CSGALNACT1: variants seen among roughly 807,000 people sequenced by gnomAD.
CSGALNACT1 encodes the protein chondroitin sulfate N-acetylgalactosaminyltransferase 1.
CSGALNACT1 carries 52 observed loss-of-function variants against 51.0 expected under a neutral mutation model. The observed-to-expected ratio is 1.02, with a 90% CI of 0.82 to 1.29. The LOEUF (loss-of-function observed/expected upper bound fraction) is 1.29, where lower values mean the gene tolerates loss of function less well. Among genes scored for constraint, CSGALNACT1 ranks in the 50% most tolerant of loss-of-function variants. CSGALNACT1 has a pLI of 0.00. For missense variants in CSGALNACT1, 935 were observed against 679.2 expected (o/e 1.38, Z -4.19); for synonymous variants, 341 against 254.4 (o/e 1.34, Z -3.24).
At chr8:19,437,303 G>A (rs572941329) in intron 6 of CSGALNACT1, among the ~76,000 whole-genome samples, 12 of 152,280 alleles carry the variant, frequency 7.9e-5, no homozygotes, top group Admixed American at 2.6e-4. Flanking sequence ...TAATGGGAGT[G>A]CAGACAAAGA....
At chr8:19,415,448 T>C (rs2056687171) in intron 8 of CSGALNACT1, among the ~76,000 whole-genome samples, 1 of 152,162 alleles carries the variant, frequency 6.6e-6, no homozygotes, top group South Asian at 2.1e-4. Context: ...AGGTCAAAAT[T>C]GCATTTGGAA....
intron 1 of CSGALNACT1, among the ~76,000 whole-genome samples, chr8:19,755,480 A>AAAAAAAAAAAAAAAAAAC (rs2065308904): frequency 6.9e-6 from 1 of 143,888 alleles, no homozygotes; most frequent in Non-Finnish European, 1.5e-5. Context: ...AAAAAAAAAA[A>AAAAAAAAAAAAAAAAAAC]AGACAACATT....
At chr8:19,638,440 G>A (rs2056366939) in intron 1 of CSGALNACT1, among the ~76,000 whole-genome samples, 1 of 152,092 alleles carries the variant, frequency 6.6e-6, no homozygotes, top group Non-Finnish European at 1.5e-5. Context: ...TTCCTGCCCT[G>A]TAAGATTACT....
chr8:19,557,681 T>C (rs1359744646), intron 3 of CSGALNACT1, among the ~76,000 whole-genome samples: 2 of 152,192 alleles, frequency 1.3e-5, no homozygotes, highest in Non-Finnish European at 1.5e-5. Context: ...TCTTGACCAT[T>C]CTACCCAAAC....
intron 6 of CSGALNACT1, among the ~76,000 whole-genome samples, chr8:19,424,688 C>T (rs768613167): frequency 6.6e-6 from 1 of 152,196 alleles, no homozygotes; most frequent in Non-Finnish European, 1.5e-5. Context: ...CATTTTGAAG[C>T]AGTGCTCATT....
intron 5 of CSGALNACT1, among the ~76,000 whole-genome samples, chr8:19,443,889 G>T (rs2061713935): frequency 6.6e-6 from 1 of 152,126 alleles, no homozygotes; most frequent in Non-Finnish European, 1.5e-5. Context: ...GGGGGTGGGG[G>T]TGGAGGTGGG....
At chr8:19,444,970 G>T (rs554681107) in intron 5 of CSGALNACT1, among the ~76,000 whole-genome samples, 82 of 152,292 alleles carry the variant, frequency 5.4e-4, no homozygotes, top group African/African-American at 1.9e-3. Flanking sequence ...GACGCATGCA[G>T]GGCTCACTCT....
intron 1 of CSGALNACT1, among the ~76,000 whole-genome samples, chr8:19,662,478 A>G (rs1018177027): frequency 1.3e-5 from 2 of 152,242 alleles, no homozygotes; most frequent in South Asian, 2.1e-4. Context: ...AATCAAAGTT[A>G]AACTGTTAGG....
chr8:19,630,996 G>A (rs1230996534), intron 1 of CSGALNACT1, among the ~76,000 whole-genome samples: 1 of 152,098 alleles, frequency 6.6e-6, no homozygotes, highest in Admixed American at 6.6e-5. Flanking sequence ...GTTTTCATTG[G>A]AGCTCGCTGG....
chr8:19,576,466 T>G (rs2044241626), intron 3 of CSGALNACT1, among the ~76,000 whole-genome samples: 1 of 152,038 alleles, frequency 6.6e-6, no homozygotes, highest in African/African-American at 2.4e-5. Context: ...GTGCTAGGAT[T>G]ACAAGCTTGA....
chr8:19,408,557 A>C, intron 9 of CSGALNACT1, 56 bp downstream of exon 8: 1 of 1,402,920 alleles, frequency 7.1e-7, no homozygotes, highest in Non-Finnish European at 1.0e-6. Context: ...GATTCCTTCA[A>C]GGCCTACATG....
At chr8:19,663,827 C>G (rs1390301823) in intron 1 of CSGALNACT1, among the ~76,000 whole-genome samples, 2 of 152,248 alleles carry the variant, frequency 1.3e-5, no homozygotes, top group African/African-American at 4.8e-5. Context: ...TAATGCAGCC[C>G]TTCTCCTCCA....
chr8:19,425,669 T>C (rs1469091702), intron 6 of CSGALNACT1, among the ~76,000 whole-genome samples: 2 of 152,202 alleles, frequency 1.3e-5, no homozygotes, highest in African/African-American at 4.8e-5. Flanking sequence ...AGGTTGCAGA[T>C]GCTCCTGTGG....
At chr8:19,734,781 T>C (rs1342100714) in intron 1 of CSGALNACT1, among the ~76,000 whole-genome samples, 1 of 152,044 alleles carries the variant, frequency 6.6e-6, no homozygotes, top group African/African-American at 2.4e-5. Flanking sequence ...ACAAAATACA[T>C]AAAGTTACTG....
At chr8:19,708,543 G>C (rs1458185242) in intron 1 of CSGALNACT1, among the ~76,000 whole-genome samples, 1 of 152,184 alleles carries the variant, frequency 6.6e-6, no homozygotes, top group Admixed American at 6.5e-5. Context: ...TACAAAACCT[G>C]CTGCCTGCTG....
intron 3 of CSGALNACT1, among the ~76,000 whole-genome samples, chr8:19,550,210 T>C (rs2087631130): frequency 6.6e-6 from 1 of 152,138 alleles, no homozygotes; most frequent in African/African-American, 2.4e-5. Context: ...GGCCTCAAAC[T>C]CCTGAGCTCA....
At chr8:19,709,334 G>A (rs377584732) in intron 1 of CSGALNACT1, among the ~76,000 whole-genome samples, 24 of 152,330 alleles carry the variant, frequency 1.6e-4, no homozygotes, top group African/African-American at 1.2e-4. Flanking sequence ...AGGCACTGTC[G>A]TAGGCATCAG....
intron 3 of CSGALNACT1, among the ~76,000 whole-genome samples, chr8:19,516,328 C>A (rs548086954): frequency 6.3e-4 from 96 of 152,266 alleles, no homozygotes; most frequent in African/African-American, 2.3e-3. Context: ...CAGCTTCAAA[C>A]CCAGCTCCGT....
At chr8:19,735,440 C>G (rs192982304) in intron 1 of CSGALNACT1, among the ~76,000 whole-genome samples, 1 of 152,238 alleles carries the variant, frequency 6.6e-6, no homozygotes, top group Non-Finnish European at 1.5e-5. Flanking sequence ...CCACAGATAA[C>G]ATTCCAATGA....
Sources: gnomAD v4.1 joint callset for allele counts (sites outside exome capture counted in the v4.1 genomes callset) on GRCh38, gnomAD v4.1.1 for gene constraint, MANE v1.5 for transcripts, NCBI Gene and HGNC (gene_info 2026-07-23, HGNC 2026-07-21) for gene names.